CNTNAP2: variants seen among roughly 807,000 people sequenced by gnomAD.
The protein encoded by CNTNAP2 is contactin associated protein 2.
In CNTNAP2, 98 loss-of-function variants were observed where a neutral mutation model predicts 155.2. The ratio of observed to expected loss-of-function variants is 0.63; its 90% confidence interval spans 0.54 to 0.75. The LOEUF is 0.75. Among genes scored for constraint, CNTNAP2 ranks in the 30% least tolerant of loss-of-function variants. CNTNAP2 has a pLI of 0.00. For missense variants in CNTNAP2, 1,727 were observed against 1,688.1 expected (o/e 1.02, Z -0.40); for synonymous variants, 651 against 631.2 (o/e 1.03, Z -0.47).
intron 3 of CNTNAP2, among the ~76,000 whole-genome samples, chr7:146,937,635 G>A (rs1267018586): frequency 2.0e-5 from 3 of 152,124 alleles, no homozygotes; most frequent in African/African-American, 4.8e-5. Flanking sequence ...TAAAGTACCT[G>A]ACACCTGCCC....
chr7:146,705,997 T>C (rs1205122043), intron 1 of CNTNAP2, among the ~76,000 whole-genome samples: 6 of 152,134 alleles, frequency 3.9e-5, no homozygotes, highest in African/African-American at 1.4e-4. Context: ...TCTCAAGAGA[T>C]ACCTTATGGA....
chr7:146,609,096 C>G (rs1283193621), intron 1 of CNTNAP2, among the ~76,000 whole-genome samples: 1 of 152,096 alleles, frequency 6.6e-6, no homozygotes, highest in Non-Finnish European at 1.5e-5. Context: ...TACTAGGTCT[C>G]AAAAATCTCA....
At chr7:147,732,027 G>T (rs1481762572) in intron 13 of CNTNAP2, among the ~76,000 whole-genome samples, 1 of 151,426 alleles carries the variant, frequency 6.6e-6, no homozygotes, top group African/African-American at 2.4e-5. Context: ...GATGAGCAAA[G>T]AAATTGGTTT....
intron 3 of CNTNAP2, among the ~76,000 whole-genome samples, chr7:146,961,657 C>T (rs1406230229): frequency 1.3e-5 from 2 of 152,080 alleles, no homozygotes; most frequent in Non-Finnish European, 2.9e-5. Flanking sequence ...AAAATAATAT[C>T]GTCATGGTGG....
At position 147,752,477 on chromosome 7, in the gene CNTNAP2, AT is replaced by A. The variant is rs562483142; in HGVS notation, c.2098+113173del. On this transcript the variant is annotated intron_variant, in intron 13 of 23. Transcript: ENST00000361727. ...TTTCATGAAAATGGAACCGTCGTTC[AT>A]TCAACCAGGAGCCTGGTCAATACGG... Among the ~76,000 whole-genome samples, 298 of 152,302 alleles carry A rather than the reference AT, an allele frequency of 2.0e-3. 1 individual carries two copies. Among genetic ancestry groups the A allele is most frequent in the African/African-American group, 6.9e-3 (288 of 41,560 alleles).
chr7:147,082,479 G>C (rs971150952), intron 4 of CNTNAP2: 1 of 152,134 alleles, frequency 6.6e-6, no homozygotes, highest in African/African-American at 2.4e-5. Flanking sequence ...AAACTAGTCT[G>C]AGTTCTGTAG....
At chr7:146,249,977 A>G (rs1158006935) in intron 1 of CNTNAP2, among the ~76,000 whole-genome samples, 1 of 152,208 alleles carries the variant, frequency 6.6e-6, no homozygotes, top group Non-Finnish European at 1.5e-5. Context: ...AGAAAGACTT[A>G]CATTTTATTT....
intron 1 of CNTNAP2, among the ~76,000 whole-genome samples, chr7:146,486,146 A>G (rs802006): frequency 7.7e-6 from 1 of 130,634 alleles, no homozygotes; most frequent in Admixed American, 9.5e-5. Context: ...CTCACTGCAA[A>G]CTCCGCCTCC....
chr7:147,324,937 A>T (rs76063285), intron 9 of CNTNAP2, among the ~76,000 whole-genome samples: 1 of 152,188 alleles, frequency 6.6e-6, no homozygotes, highest in Non-Finnish European at 1.5e-5. Context: ...GCATGCCTGT[A>T]GGTAATGGCA....
At chr7:147,273,005 C>A (rs1463551391) in intron 8 of CNTNAP2, among the ~76,000 whole-genome samples, 1 of 144,360 alleles carries the variant, frequency 6.9e-6, no homozygotes, top group Non-Finnish European at 1.5e-5. Context: ...TTTAGCTATT[C>A]TTCTTTTCCA....
At chr7:147,358,461 T>C (rs1181180830) in intron 9 of CNTNAP2, among the ~76,000 whole-genome samples, 1 of 152,156 alleles carries the variant, frequency 6.6e-6, no homozygotes, top group Non-Finnish European at 1.5e-5. Context: ...AAATTAATCA[T>C]TATATGCTCA....
At chr7:147,204,011 T>C (rs1003714555) in intron 8 of CNTNAP2, among the ~76,000 whole-genome samples, 3 of 152,016 alleles carry the variant, frequency 2.0e-5, no homozygotes, top group Non-Finnish European at 4.4e-5. Context: ...AGAAAGGTTG[T>C]GTCATAAGAG....
chr7:146,411,523 A>G (rs532323412), intron 1 of CNTNAP2, among the ~76,000 whole-genome samples: 30 of 152,294 alleles, frequency 2.0e-4, no homozygotes, highest in African/African-American at 7.0e-4. Flanking sequence ...ATGTTAATTA[A>G]CATTTGTTAA....
At chr7:147,715,701 G>A (rs986825177) in intron 13 of CNTNAP2, among the ~76,000 whole-genome samples, 9 of 151,670 alleles carry the variant, frequency 5.9e-5, no homozygotes, top group Non-Finnish European at 1.3e-4. Context: ...ATTTTGATGA[G>A]GTCCAATTTA....
chr7:148,020,954 C>A (rs1342660316), intron 15 of CNTNAP2, among the ~76,000 whole-genome samples: 1 of 152,204 alleles, frequency 6.6e-6, no homozygotes, highest in Admixed American at 6.5e-5. Context: ...GTGCTGACAC[C>A]GTCAATCATT....
intron 1 of CNTNAP2, among the ~76,000 whole-genome samples, chr7:146,130,488 A>C (rs1452921877): frequency 1.3e-5 from 2 of 152,220 alleles, no homozygotes; most frequent in Non-Finnish European, 2.9e-5. Flanking sequence ...ATTTTTTTAA[A>C]AAGAATTTAG....
chr7:146,874,759 T>A (rs1795386017), intron 3 of CNTNAP2, among the ~76,000 whole-genome samples: 3 of 152,232 alleles, frequency 2.0e-5, no homozygotes, highest in Admixed American at 2.0e-4. Context: ...ATTCTTTCAA[T>A]AAAATTGTAT....
chr7:146,442,069 A>C (rs2129119778), intron 1 of CNTNAP2, among the ~76,000 whole-genome samples: 1 of 151,566 alleles, frequency 6.6e-6, no homozygotes, highest in African/African-American at 2.4e-5. Flanking sequence ...GTAATTTTCA[A>C]ATGTTGTTTG....
chr7:146,720,677 C>G (rs1585057231), intron 1 of CNTNAP2, among the ~76,000 whole-genome samples: 2 of 151,748 alleles, frequency 1.3e-5, no homozygotes, highest in Non-Finnish European at 2.9e-5. Flanking sequence ...TTTCCATTCA[C>G]TGTCTGTTAC....
Sources: gnomAD v4.1 joint callset for allele counts (sites outside exome capture counted in the v4.1 genomes callset) on GRCh38, gnomAD v4.1.1 for gene constraint, MANE v1.5 for transcripts, NCBI Gene and HGNC (gene_info 2026-07-23, HGNC 2026-07-21) for gene names.